The following EIF2AK2 variants were observed in gnomAD, a reference collection of about 807,000 sequenced individuals.
EIF2AK2 encodes the protein interferon-induced, double-stranded RNA-activated protein kinase.
A neutral mutation model predicts 70.5 loss-of-function variants in EIF2AK2; 40 were observed. The observed-to-expected ratio is 0.57, with a 90% CI of 0.44 to 0.74. The LOEUF (loss-of-function observed/expected upper bound fraction) is 0.74, where lower values mean the gene tolerates loss of function less well. Ranked by LOEUF, EIF2AK2 falls within the 30% of genes least tolerant of loss-of-function variation. The probability of loss-of-function intolerance (pLI) is 0.00; values close to 1 mark genes in which losing one functional copy is unlikely to be tolerated. For missense variants in EIF2AK2, 555 were observed against 644.3 expected, an observed-to-expected ratio of 0.86 and a Z score of 1.50; for synonymous variants, 198 against 220.9, an observed-to-expected ratio of 0.90 and a Z score of 0.92.
rs999156977 is a variant in EIF2AK2, at chr2:37,104,088, C to A, written c.*3185G>T. 2 of 152,136 alleles carry A rather than the reference C, an allele frequency of 1.3e-5. No individual in the cohort carries two copies. Among genetic ancestry groups the A allele is most frequent in the South Asian group, 4.1e-4 (2 of 4,820 alleles). 9.4% of individuals were successfully genotyped at this position (152,136 alleles called of 1,614,324 possible). ...CTGGGAGGCAGAGGTTGCAGTGAGC[C>A]GAGATCGTGCCACTGCACTCCAGCC... On this transcript the variant is annotated 3_prime_UTR_variant, in exon 17 of 17. Transcript: ENST00000233057.
intron 2 of EIF2AK2, 74 bp from the exon 3 acceptor site, chr2:37,147,896 G>T: frequency 2.0e-6 from 2 of 1,000,978 alleles, no homozygotes; most frequent in Non-Finnish European, 3.1e-6. Context: ...ATGCAGTTTA[G>T]GAGACAGAGG....
chr2:37,148,045 C>G (rs1437978881), intron 2 of EIF2AK2, among the ~76,000 whole-genome samples: 4 of 152,174 alleles, frequency 2.6e-5, no homozygotes, highest in Admixed American at 1.3e-4. Flanking sequence ...AAAAACTCAA[C>G]TTGGCCAGGT....
At chr2:37,131,496 C>A (rs1487472717) in intron 10 of EIF2AK2, among the ~76,000 whole-genome samples, 2 of 152,138 alleles carry the variant, frequency 1.3e-5, no homozygotes. Flanking sequence ...CCATAAGGCG[C>A]TCACCTCCAT....
chr2:37,140,955 C>A (rs1675309699), intron 5 of EIF2AK2, among the ~76,000 whole-genome samples: 2 of 151,986 alleles, frequency 1.3e-5, no homozygotes, highest in Admixed American at 6.6e-5. Flanking sequence ...TTTTTCAGTT[C>A]CAATCCATTC....
At chr2:37,146,109 G>C (rs1675529026) in intron 4 of EIF2AK2, among the ~76,000 whole-genome samples, 1 of 152,010 alleles carries the variant, frequency 6.6e-6, no homozygotes, top group Non-Finnish European at 1.5e-5. Context: ...GATATGTTTA[G>C]ATACATGAAT....
chr2:37,141,576 T>G lies in EIF2AK2; in HGVS notation c.366A>C (p.Ala122=). 2 of 1,614,000 alleles carry G rather than the reference T, an allele frequency of 1.2e-6. No homozygotes were observed. The highest frequency in any genetic ancestry group is 1.7e-6 in the Non-Finnish European group (2 of 1,179,964). Residue 122 remains alanine, a synonymous_variant, in exon 5 of 17, where the codon GCA becomes GCC. Coordinates refer to ENST00000233057, the MANE Select transcript of EIF2AK2 (RefSeq NM_001135651.3). ...KRLTVNYEQC[A]SGVHGPEGFH... ...ACCCTTCTGGCCCATGCACCCCCGA[T>G]GCACACTGTTCATAATTTACAGTTA...
At chr2:37,155,560 T>A (rs373712105) in intron 1 of EIF2AK2, among the ~76,000 whole-genome samples, 97 of 152,300 alleles carry the variant, frequency 6.4e-4, no homozygotes, top group African/African-American at 2.2e-3. Context: ...TGCCCAACCT[T>A]CAACACAGCC....
At chr2:37,135,567 G>A in intron 9 of EIF2AK2, 21 bp from the exon 10 acceptor site, 2 of 1,581,708 alleles carry the variant, frequency 1.3e-6, no homozygotes, top group East Asian at 2.2e-5. Context: ...AGAGTTGAAT[G>A]TAAAACTCAA....
At position 37,144,683 on chromosome 2, in the gene EIF2AK2, G is replaced by A. The variant is rs542984530; in HGVS notation, c.240+2170C>T. Among the ~76,000 whole-genome samples, 10 of 151,270 alleles carry A rather than the reference G, an allele frequency of 6.6e-5. No homozygotes were observed. In the South Asian group the frequency reaches 8.3e-4, roughly 13 times the overall value. On this transcript the variant is annotated intron_variant, in intron 4 of 16. Transcript: ENST00000233057. The stretch of plus-strand genomic sequence containing the variant: ...ACTGCAGCCCTGACCTCTCAGGCAC[G>A]TGATCCTCCCGCCTAGCCTCCTGAG...
intron 6 of EIF2AK2, 116 bp downstream of exon 6, chr2:37,139,515 G>A (rs2148702881): frequency 7.1e-7 from 1 of 1,401,336 alleles, no homozygotes; most frequent in Non-Finnish European, 9.7e-7. Flanking sequence ...ACAGAATGGA[G>A]GAATCATTTT....
chr2:37,140,087 G>T (rs1192339888), intron 5 of EIF2AK2, among the ~76,000 whole-genome samples: 1 of 151,910 alleles, frequency 6.6e-6, no homozygotes, highest in Admixed American at 6.6e-5. Context: ...AGGTAGAAAA[G>T]AAAGAAAGAG....
At chr2:37,111,387 G>C (rs1007305623) in intron 14 of EIF2AK2, among the ~76,000 whole-genome samples, 14 of 150,258 alleles carry the variant, frequency 9.3e-5, no homozygotes, top group African/African-American at 3.2e-4. Context: ...TAGAGATATG[G>C]AATTTCTTTT....
At chr2:37,120,223 A>T (rs898685560) in intron 12 of EIF2AK2, 84 bp from the exon 13 acceptor site, 2 of 966,166 alleles carry the variant, frequency 2.1e-6, no homozygotes, top group African/African-American at 1.7e-5. Context: ...AAAGTTTTTC[A>T]TAACTTTTTA....
At chr2:37,127,914 G>A (rs1674799557) in intron 10 of EIF2AK2, among the ~76,000 whole-genome samples, 1 of 151,946 alleles carries the variant, frequency 6.6e-6, no homozygotes, top group Admixed American at 6.6e-5. Flanking sequence ...GCTAATTTTT[G>A]TATTTTTAGT....
chr2:37,105,958 G>T lies in EIF2AK2; in HGVS notation c.*1315C>A, dbSNP rs903670148. ...TTAGCTACTGCCTTACAGCACGGTT[G>T]TCTTTAAAGTGGTTGTTACAATAGA... is the stretch of plus-strand genomic sequence containing the variant. On this transcript the variant is annotated 3_prime_UTR_variant, in exon 17 of 17. Transcript: ENST00000233057. 6.6e-6 allele frequency: 1 copy of T among 152,196 alleles called. No individual in the cohort carries two copies. The highest frequency in any genetic ancestry group is 1.5e-5 in the Non-Finnish European group (1 of 68,052). The allele number at this position is 152,196 out of a possible 1,614,324, so 9.4% of individuals were successfully genotyped here.
intron 10 of EIF2AK2, 107 bp downstream of exon 10, chr2:37,135,377 T>C (rs1390460956): frequency 1.1e-6 from 1 of 905,900 alleles, no homozygotes. Flanking sequence ...GTTAATCTTA[T>C]TCAAATATTT....
chr2:37,119,224 T>C (rs963406931), intron 13 of EIF2AK2, among the ~76,000 whole-genome samples: 1 of 151,998 alleles, frequency 6.6e-6, no homozygotes, highest in African/African-American at 2.4e-5. Flanking sequence ...AAAATGAAAA[T>C]ACTAAGGGAT....
At chr2:37,115,698 A>T (rs1473238999) in intron 13 of EIF2AK2, among the ~76,000 whole-genome samples, 17 of 152,092 alleles carry the variant, frequency 1.1e-4, no homozygotes, top group Non-Finnish European at 7.4e-5. Context: ...GAATGGGTCC[A>T]TTCCCAACAA....
chr2:37,102,783 T>C lies in EIF2AK2; in HGVS notation c.*4490A>G, dbSNP rs1673857331. ...TTATGTAGCTGGCCATACACACACATGCACACATACCACATACCCACATGT... is the reference window on the plus strand; with the variant it reads ...TTATGTAGCTGGCCATACACACACACGCACACATACCACATACCCACATGT... On this transcript the variant is annotated 3_prime_UTR_variant, in exon 17 of 17. Coordinates refer to ENST00000233057, the MANE Select transcript of EIF2AK2 (RefSeq NM_001135651.3). 1 of 152,152 alleles carries C rather than the reference T, an allele frequency of 6.6e-6. No homozygotes were observed. The highest frequency in any genetic ancestry group is 1.5e-5 in the Non-Finnish European group (1 of 68,038). The allele number at this position is 152,152 out of a possible 1,614,324, so 9.4% of individuals were successfully genotyped here.
Sources: gnomAD v4.1 joint callset for allele counts (sites outside exome capture counted in the v4.1 genomes callset) on GRCh38, gnomAD v4.1.1 for gene constraint, MANE v1.5 for transcripts, NCBI Gene and HGNC (gene_info 2026-07-23, HGNC 2026-07-21) for gene names.